COL24A1: variants seen among roughly 807,000 people sequenced by gnomAD.
The protein encoded by COL24A1 is collagen type XXIV alpha 1 chain.
In COL24A1, 224 loss-of-function variants were observed where a neutral mutation model predicts 253.9. The ratio of observed to expected loss-of-function variants is 0.88; its 90% CI spans 0.79 to 0.99. The LOEUF (loss-of-function observed/expected upper bound fraction) is 0.99. Among genes scored for constraint, COL24A1 ranks in the 50% least tolerant of loss-of-function variants. The probability of loss-of-function intolerance (pLI) is 0.00; values close to 1 mark genes in which losing one functional copy is unlikely to be tolerated. For synonymous variants in COL24A1, 685 were observed against 673.7 expected, an observed-to-expected ratio of 1.02 and a Z score of -0.26; for missense variants, 2,131 against 2,068.5, an observed-to-expected ratio of 1.03 and a Z score of -0.59.
intron 24 of COL24A1, among the ~76,000 whole-genome samples, chr1:85,944,109 G>T (rs1430586831): frequency 2.0e-5 from 3 of 152,148 alleles, no homozygotes; most frequent in Non-Finnish European, 2.9e-5. Flanking sequence ...AAGATTATAT[G>T]GCTATGTGCA....
intron 7 of COL24A1, among the ~76,000 whole-genome samples, chr1:86,065,515 G>GT (rs1204834269): frequency 6.6e-6 from 1 of 152,090 alleles, no homozygotes; most frequent in African/African-American, 2.4e-5. Context: ...GTCATGATCT[G>GT]TTTTTTATGA....
intron 41 of COL24A1, 51 bp from the exon 42 acceptor site, chr1:85,841,329 T>G (rs570587417): frequency 8.0e-7 from 1 of 1,253,850 alleles, no homozygotes; most frequent in South Asian, 1.4e-5. Context: ...AAAATAAACA[T>G]CAAAAACACA....
intron 5 of COL24A1, among the ~76,000 whole-genome samples, chr1:86,108,841 A>G (rs1705271133): frequency 6.6e-6 from 1 of 151,890 alleles, no homozygotes; most frequent in African/African-American, 2.4e-5. Flanking sequence ...AGGGAGAGTA[A>G]ATTGGTACTT....
rs367998373 is a variant in COL24A1 at position 85,821,500 on chromosome 1, A to G, written c.3789+2036T>C. 2.6e-5 allele frequency among the ~76,000 whole-genome samples: 4 copies of G among 152,354 alleles called. No homozygotes were observed. In the East Asian group the frequency reaches 5.8e-4, roughly 22 times the overall value. ...AAAGGGTCATTTCCAAATCTAAAAA[A>G]TAAATTTAAAGCTTTGCAAAAACAA... is the stretch of plus-strand genomic sequence containing the variant. On this transcript the variant is annotated intron_variant, in intron 45 of 59. Transcript: ENST00000370571.
At chr1:85,815,328 T>C (rs1672946854) in intron 47 of COL24A1, among the ~76,000 whole-genome samples, 1 of 152,122 alleles carries the variant, frequency 6.6e-6, no homozygotes, top group South Asian at 2.1e-4. Context: ...GGAAGCCCAG[T>C]GCATGAGCTC....
chr1:86,114,723 T>A (rs1371676712), intron 4 of COL24A1, among the ~76,000 whole-genome samples: 1 of 152,234 alleles, frequency 6.6e-6, no homozygotes, highest in East Asian at 1.9e-4. Flanking sequence ...GTGGATTATA[T>A]AAAAGGTATT....
chr1:85,988,341 T>G (rs1399755582), intron 19 of COL24A1, among the ~76,000 whole-genome samples: 2 of 152,006 alleles, frequency 1.3e-5, no homozygotes, highest in Non-Finnish European at 2.9e-5. Context: ...TTTTTGGAAA[T>G]TATATTAGCA....
intron 43 of COL24A1, among the ~76,000 whole-genome samples, chr1:85,826,533 G>A (rs1327347274): frequency 2.8e-5 from 4 of 140,828 alleles, no homozygotes; most frequent in African/African-American, 8.0e-5. Flanking sequence ...CCATTTTCAC[G>A]ATATTGATTC....
intron 35 of COL24A1, among the ~76,000 whole-genome samples, chr1:85,870,677 C>T (rs1192478170): frequency 1.3e-5 from 2 of 152,166 alleles, no homozygotes; most frequent in Non-Finnish European, 2.9e-5. Context: ...ACACCAGAAT[C>T]TCTGGGACAC....
At chr1:85,860,457 G>A (rs1679011891) in intron 37 of COL24A1, among the ~76,000 whole-genome samples, 1 of 152,128 alleles carries the variant, frequency 6.6e-6, no homozygotes, top group Non-Finnish European at 1.5e-5. Context: ...AGTACAATAT[G>A]TGGGCCAGGC....
intron 10 of COL24A1, among the ~76,000 whole-genome samples, chr1:86,052,674 A>G (rs1207841381): frequency 6.6e-6 from 1 of 152,028 alleles, no homozygotes; most frequent in Non-Finnish European, 1.5e-5. Flanking sequence ...TTGTACAACA[A>G]TTGGATGTAC....
chr1:85,786,547 C>A lies in COL24A1; in HGVS notation c.3952-86G>T. On this transcript the variant is annotated intron_variant, in intron 47 of 59. Transcript: ENST00000370571. ...TCAATAAAATGTAGGAAGAGTTGTGCCCCGAAAGGCGTCTGTTAACATACT... is the reference window on the plus strand; with the variant it reads ...TCAATAAAATGTAGGAAGAGTTGTGACCCGAAAGGCGTCTGTTAACATACT... 4 of 1,183,504 alleles carry A rather than the reference C, an allele frequency of 3.4e-6. No homozygotes were observed. In the Admixed American group the frequency reaches 8.8e-5, roughly 26 times the overall value. The allele number at this position is 1,183,504 out of a possible 1,614,324, so 73.3% of individuals were successfully genotyped here.
In COL24A1 at chr1:85,911,369, TA is replaced by T; in HGVS notation, c.2616+10del. The T allele has an allele frequency of 6.2e-7, 1 of 1,609,020 alleles. No individual in the cohort carries two copies. Among genetic ancestry groups the T allele is most frequent in the Non-Finnish European group, 8.5e-7 (1 of 1,177,010 alleles). ...TCTTCCTATAAAACAAAATAATTCT[TA>T]AAAAATTACCTTTTCGCCAATGCTT... On this transcript the variant is annotated intron_variant, in intron 25 of 59. Coordinates refer to ENST00000370571, the MANE Select transcript of COL24A1 (RefSeq NM_152890.7).
intron 5 of COL24A1, among the ~76,000 whole-genome samples, chr1:86,102,032 A>G (rs1283653954): frequency 6.6e-6 from 1 of 151,608 alleles, no homozygotes; most frequent in Non-Finnish European, 1.5e-5. Flanking sequence ...TTTTTAACCA[A>G]AAAAAGGCTA....
At chr1:85,768,596 G>GCGA (rs1308131721) in intron 53 of COL24A1, among the ~76,000 whole-genome samples, 1 of 142,070 alleles carries the variant, frequency 7.0e-6, no homozygotes, top group Non-Finnish European at 1.6e-5. Context: ...GCGGGGGGAG[G>GCGA]GCTTATTTCT....
At chr1:86,128,829 T>C (rs1385994049) in intron 2 of COL24A1, among the ~76,000 whole-genome samples, 2 of 151,942 alleles carry the variant, frequency 1.3e-5, no homozygotes, top group East Asian at 1.9e-4. Context: ...TAAAATCTTA[T>C]TAGTTTTACG....
At chr1:86,035,744 T>C (rs1698951399) in intron 12 of COL24A1, among the ~76,000 whole-genome samples, 1 of 152,126 alleles carries the variant, frequency 6.6e-6, no homozygotes, top group South Asian at 2.1e-4. Flanking sequence ...CTCAATAAAG[T>C]TGTTCTTAAA....
intron 24 of COL24A1, among the ~76,000 whole-genome samples, chr1:85,958,947 T>C (rs1408867940): frequency 6.6e-6 from 1 of 152,160 alleles, no homozygotes; most frequent in Non-Finnish European, 1.5e-5. Context: ...ACTGCTGTGC[T>C]TCACACACTC....
At chr1:85,934,528 T>C (rs568338266) in intron 24 of COL24A1, among the ~76,000 whole-genome samples, 3 of 152,308 alleles carry the variant, frequency 2.0e-5, no homozygotes, top group Admixed American at 6.5e-5. Context: ...AACATTTCAT[T>C]CTTATTAGTT....
Sources: gnomAD v4.1 joint callset for allele counts (sites outside exome capture counted in the v4.1 genomes callset) on GRCh38, gnomAD v4.1.1 for gene constraint, MANE v1.5 for transcripts, NCBI Gene and HGNC (gene_info 2026-07-23, HGNC 2026-07-21) for gene names.